ACSL3: variants seen among roughly 807,000 people sequenced by gnomAD.
ACSL3 encodes the protein fatty acid CoA ligase Acsl3.
ACSL3 carries 34 observed loss-of-function variants against 84.7 expected under a neutral mutation model. The ratio of observed to expected loss-of-function variants is 0.40; its 90% CI spans 0.31 to 0.53. The LOEUF is 0.53. Ranked by LOEUF, ACSL3 falls within the 20% of genes least tolerant of loss-of-function variation. ACSL3 has a pLI of 0.48. For synonymous variants in ACSL3, 315 were observed against 299.4 expected (o/e 1.05, Z -0.54); for missense variants, 680 against 873.1 (o/e 0.78, Z 2.79).
At chr2:222,928,487 A>G (rs1696940172) in intron 12 of ACSL3, among the ~76,000 whole-genome samples, 1 of 152,206 alleles carries the variant, frequency 6.6e-6, no homozygotes, top group Non-Finnish European at 1.5e-5. Flanking sequence ...CTAATGTAAG[A>G]CAATGTGATG....
chr2:222,931,443 A>G (rs1439523314), intron 14 of ACSL3, among the ~76,000 whole-genome samples: 9 of 151,820 alleles, frequency 5.9e-5, no homozygotes, highest in Non-Finnish European at 1.0e-4. Flanking sequence ...TGGCATTTCT[A>G]TCCCTGTCTT....
rs1385281092 is a variant in ACSL3 at position 222,942,283 on chromosome 2, A to C, written c.*629A>C. On this transcript the variant is annotated 3_prime_UTR_variant, in exon 17 of 17. Transcript: ENST00000357430. ...TCTTTATATATTTATTTTTTATTAGAAAAAATGAAGTTTGGTTGGTGATGC... is the reference window on the plus strand; with the variant it reads ...TCTTTATATATTTATTTTTTATTAGCAAAAATGAAGTTTGGTTGGTGATGC... 1.1e-5 allele frequency: 2 copies of C among 185,398 alleles called. No homozygotes were observed. The highest frequency in any genetic ancestry group is 4.7e-5 in the African/African-American group (2 of 42,706). The allele number at this position is 185,398 out of a possible 1,614,324, so 11.5% of individuals were successfully genotyped here.
In ACSL3 at chr2:222,930,785, G is replaced by T; in HGVS notation, c.1705G>T (p.Glu569Ter). 1 of 1,607,086 alleles carries T rather than the reference G, an allele frequency of 6.2e-7. No homozygotes were observed. Among genetic ancestry groups the T allele is most frequent in the Non-Finnish European group, 8.5e-7 (1 of 1,177,364 alleles). The change falls in exon 14 of 17, where the codon GAA becomes TAA. Residue 569 changes from glutamate to a stop codon, truncating the protein, a stop_gained. Coordinates refer to ENST00000357430, the MANE Select transcript of ACSL3 (RefSeq NM_004457.5). LOFTEE classifies it high-confidence loss of function. ...CTGTACTGGGGATATTGGAGAGTTT[G>T]AACCCGATGGATGCTTAAAGATTAT... is the stretch of plus-strand genomic sequence containing the variant. ...WLCTGDIGEF[E>*]PDGCLKIIDR...
chr2:222,932,993 T>C (rs1198010700), intron 14 of ACSL3, 173 bp from the exon 15 acceptor site: 19 of 478,188 alleles, frequency 4.0e-5, no homozygotes, highest in African/African-American at 3.0e-4. Context: ...AATTAGGGCC[T>C]AATTTTAATA....
At chr2:222,887,757 A>G (rs1459902951) in intron 1 of ACSL3, 73 bp from the exon 2 acceptor site, 1 of 152,202 alleles carries the variant, frequency 6.6e-6, no homozygotes, top group African/African-American at 2.4e-5. Context: ...GTTCCAGGAA[A>G]AAGTTGGCAT....
chr2:222,929,295 G>A (rs1278736956), intron 13 of ACSL3, among the ~76,000 whole-genome samples: 1 of 55,734 alleles, frequency 1.8e-5, no homozygotes, highest in African/African-American at 1.0e-4. Flanking sequence ...ATTTTTAAAT[G>A]ATTTTTTTCT....
At chr2:222,890,942 C>G (rs1319553377) in intron 2 of ACSL3, among the ~76,000 whole-genome samples, 1 of 152,094 alleles carries the variant, frequency 6.6e-6, no homozygotes, top group Non-Finnish European at 1.5e-5. Flanking sequence ...TGTACCTGGC[C>G]GAAAAGAGGT....
chr2:222,928,674 A>G (rs918723955), intron 12 of ACSL3, among the ~76,000 whole-genome samples, 188 bp from the exon 13 acceptor site: 3 of 152,018 alleles, frequency 2.0e-5, no homozygotes, highest in African/African-American at 7.2e-5. Flanking sequence ...AAAAACCTCA[A>G]TGTAGGCCAA....
rs758077670 is a variant in ACSL3, at chr2:222,916,350, A to G, written c.410A>G (p.Tyr137Cys). 4.3e-6 allele frequency: 7 copies of G among 1,613,680 alleles called. No individual in the cohort carries two copies. Among genetic ancestry groups the G allele is most frequent in the South Asian group, 1.1e-5 (1 of 91,012 alleles). ...VILGQYNWLS[Y>C]EDVFVRAFNF... ...CTTGGACAGTATAATTGGCTTTCCTATGAAGATGTCTTTGTTCGAGCCTTT... is the reference window on the plus strand; with the variant it reads ...CTTGGACAGTATAATTGGCTTTCCTGTGAAGATGTCTTTGTTCGAGCCTTT... The change falls in exon 5 of 17, where the codon TAT (tyrosine) becomes TGT (cysteine). Residue 137 changes from tyrosine to cysteine, a missense_variant. Coordinates refer to ENST00000357430, the MANE Select transcript of ACSL3 (RefSeq NM_004457.5).
chr2:222,922,685 C>T, intron 8 of ACSL3, 23 bp from the exon 9 acceptor site: 1 of 1,612,966 alleles, frequency 6.2e-7, no homozygotes, highest in Non-Finnish European at 8.5e-7. Flanking sequence ...ACTTTTGTTT[C>T]TGACGTCTCC....
chr2:222,883,262 C>T lies in ACSL3; in HGVS notation c.-206-4568C>T, dbSNP rs1348930463. ...GTGGCAGGATCTTGGCTCACTGCAA[C>T]CTCCCCCTCCCGGGTTCAAGCGATT... On this transcript the variant is annotated intron_variant, in intron 1 of 16. Transcript: ENST00000357430. 6.6e-5 allele frequency among the ~76,000 whole-genome samples: 10 copies of T among 150,872 alleles called. No homozygotes were observed. The South Asian group carries it at 1.3e-3, about 19-fold the overall frequency.
Position 222,918,040 on chromosome 2 carries a change from T to A in ACSL3, c.557-6T>A. On this transcript the variant is annotated splice_polypyrimidine_tract_variant and splice_region_variant and intron_variant, in intron 5 of 16. Coordinates refer to ENST00000357430, the MANE Select transcript of ACSL3 (RefSeq NM_004457.5). Reference sequence around the variant, plus strand: ...ATATTTGACTGGCTGCTGCTTTTCCTTTTAGTTGTTACATTATATGCCACT... The same window carrying A: ...ATATTTGACTGGCTGCTGCTTTTCCATTTAGTTGTTACATTATATGCCACT... 6.3e-7 allele frequency: 1 copy of A among 1,595,990 alleles called. No individual in the cohort carries two copies. The highest frequency in any genetic ancestry group is 8.6e-7 in the Non-Finnish European group (1 of 1,166,968).
Position 222,924,450 on chromosome 2 carries a change from A to C in ACSL3, c.1153-6A>C. On this transcript the variant is annotated splice_region_variant and splice_polypyrimidine_tract_variant and intron_variant, in intron 10 of 16. Coordinates refer to ENST00000357430, the MANE Select transcript of ACSL3 (RefSeq NM_004457.5). ...AACTATGTTAAACTCATTTTTATAC[A>C]TTTAGGAAATCATGGATCGGATCTA... 1 of 1,594,834 alleles carries C rather than the reference A, an allele frequency of 6.3e-7. No homozygotes were observed. Among genetic ancestry groups the C allele is most frequent in the Non-Finnish European group, 8.5e-7 (1 of 1,172,704 alleles).
Position 222,941,648 on chromosome 2 carries a change from A to G in ACSL3, c.2157A>G (p.Arg719=), listed in dbSNP as rs1243845734. 5 of 1,611,326 alleles carry G rather than the reference A, an allele frequency of 3.1e-6. No homozygotes were observed. Among genetic ancestry groups the G allele is most frequent in the South Asian group, 1.1e-5 (1 of 90,716 alleles). The change falls in exon 17 of 17, where the codon AGA becomes AGG. Residue 719 remains arginine (R), a synonymous_variant. Transcript: ENST00000357430. ...YQADIERMYG[R]K ...CGGACATTGAGCGAATGTATGGAAG[A>G]AAATAATTATTCTCTTCTGGCATCA...
intron 1 of ACSL3, among the ~76,000 whole-genome samples, chr2:222,878,489 C>T (rs1180479503): frequency 6.6e-6 from 1 of 152,210 alleles, no homozygotes; most frequent in African/African-American, 2.4e-5. Context: ...TTGTCTTTGG[C>T]TTCTAGGGCA....
intron 3 of ACSL3, 84 bp from the exon 4 acceptor site, chr2:222,908,649 A>T: frequency 1.0e-6 from 1 of 978,462 alleles, no homozygotes; most frequent in Non-Finnish European, 1.5e-6. Flanking sequence ...TAGAAAAAAA[A>T]AAATCTTCAT....
intron 3 of ACSL3, among the ~76,000 whole-genome samples, chr2:222,903,571 G>C (rs1696211507): frequency 6.6e-6 from 1 of 152,126 alleles, no homozygotes; most frequent in Non-Finnish European, 1.5e-5. Context: ...TTATATGATT[G>C]GAACTCAAGA....
At chr2:222,916,947 C>G (rs1696598989) in intron 5 of ACSL3, among the ~76,000 whole-genome samples, 1 of 151,830 alleles carries the variant, frequency 6.6e-6, no homozygotes, top group Non-Finnish European at 1.5e-5. Flanking sequence ...TGTGGTGGCT[C>G]AGTCTGTGAG....
chr2:222,915,555 G>GT (rs1329547995), intron 4 of ACSL3, among the ~76,000 whole-genome samples: 2 of 150,308 alleles, frequency 1.3e-5, no homozygotes, highest in East Asian at 3.9e-4. Flanking sequence ...GGGATTTATG[G>GT]TTTTGTCTAA....
Sources: gnomAD v4.1 joint callset for allele counts (sites outside exome capture counted in the v4.1 genomes callset) on GRCh38, gnomAD v4.1.1 for gene constraint, MANE v1.5 for transcripts, NCBI Gene and HGNC (gene_info 2026-07-23, HGNC 2026-07-21) for gene names.